The following P2RX3 variants were observed in gnomAD, a reference collection of about 807,000 sequenced individuals.
P2RX3 encodes P2X purinoceptor 3.
P2RX3 carries 41 observed loss-of-function variants against 51.5 expected under a neutral mutation model. The ratio of observed to expected loss-of-function variants is 0.80; its 90% CI spans 0.62 to 1.03. The LOEUF (loss-of-function observed/expected upper bound fraction) is 1.03. P2RX3 is among the 50% of genes least tolerant of loss of function. P2RX3 has a pLI of 0.00. For synonymous variants in P2RX3, 185 were observed against 191.6 expected, an observed-to-expected ratio of 0.97 and a Z score of 0.29; for missense variants, 459 against 522.1, an observed-to-expected ratio of 0.88 and a Z score of 1.18.
At chr11:57,359,108 C>T (rs138483305) in intron 8 of P2RX3, among the ~76,000 whole-genome samples, 5 of 152,296 alleles carry the variant, frequency 3.3e-5, no homozygotes, top group South Asian at 2.1e-4. Context: ...AGTGGGAAGC[C>T]GTCACCACTG....
chr11:57,366,362 A>T (rs558299200), intron 8 of P2RX3, among the ~76,000 whole-genome samples: 1 of 152,296 alleles, frequency 6.6e-6, no homozygotes, highest in South Asian at 2.1e-4. Flanking sequence ...CTCTGTGTTG[A>T]ACACTAACCC....
chr11:57,368,062 A>G lies in P2RX3; in HGVS notation c.896A>G (p.Lys299Arg). The change falls in exon 9 of 12, where the codon AAG becomes AGG. Residue 299 changes from lysine (K) to arginine (R), a missense_variant. Coordinates refer to ENST00000263314, the MANE Select transcript of P2RX3 (RefSeq NM_002559.5). ...ENGSEYRTLL[K>R]AFGIRFDVLV... ...GGCAGTGAGTACCGCACCCTCCTGA[A>G]GGCTTTTGGCATCCGCTTCGACGTG... The G allele has an allele frequency of 1.9e-6, 3 of 1,614,134 alleles. No individual in the cohort carries two copies. The highest frequency in any genetic ancestry group is 1.7e-6 in the Non-Finnish European group (2 of 1,180,010).
In P2RX3 at chr11:57,368,509, AGTGACGGC is replaced by A; in HGVS notation, c.1002+74_1002+81del. 2.6e-6 allele frequency: 4 copies of A among 1,550,308 alleles called. No individual in the cohort carries two copies. The Middle Eastern group carries it at 6.8e-4, about 262-fold the overall frequency. ...CCGGACTGGTACCAGCAGGCAGGGG[AGTGACGGC>A]GGCAAAACTCTGCCTCTGCCTGGAA... On this transcript the variant is annotated intron_variant, in intron 10 of 11. Transcript: ENST00000263314.
At chr11:57,345,293 AT>A (rs1400284585) in intron 1 of P2RX3, among the ~76,000 whole-genome samples, 1 of 152,132 alleles carries the variant, frequency 6.6e-6, no homozygotes, top group Non-Finnish European at 1.5e-5. Context: ...CTCACCCAGC[AT>A]TTCCAAAAGT....
chr11:57,372,285 A>T lies in P2RX3; in HGVS notation c.*2288A>T, dbSNP rs957948880. On this transcript the variant is annotated 3_prime_UTR_variant, in exon 12 of 12. Coordinates refer to ENST00000263314, the MANE Select transcript of P2RX3 (RefSeq NM_002559.5). ...TTCAACATAAAAGCCAACACTGATT[A>T]CTTACTATTGGCAGGCAATGGACCA... 5.3e-5 allele frequency among the ~76,000 whole-genome samples: 8 copies of T among 152,244 alleles called. No homozygotes were observed. Among genetic ancestry groups the T allele is most frequent in the Non-Finnish European group, 2.9e-5 (2 of 68,050 alleles).
chr11:57,343,349 G>C (rs1369472866), intron 1 of P2RX3, among the ~76,000 whole-genome samples: 2 of 152,230 alleles, frequency 1.3e-5, no homozygotes, highest in Non-Finnish European at 2.9e-5. Flanking sequence ...GCTTTCACTG[G>C]TGATGGAGCA....
intron 8 of P2RX3, among the ~76,000 whole-genome samples, chr11:57,358,877 G>A (rs781148306): frequency 1.3e-5 from 2 of 152,116 alleles, no homozygotes; most frequent in Non-Finnish European, 1.5e-5. Flanking sequence ...ACAAGGGAGC[G>A]CACGCACACT....
In P2RX3 at chr11:57,370,506, C is replaced by T. The variant is rs1856869197; in HGVS notation, c.*509C>T. 6.5e-6 allele frequency: 1 copy of T among 153,204 alleles called. No individual in the cohort carries two copies. The highest frequency in any genetic ancestry group is 2.4e-5 in the African/African-American group (1 of 41,438). 9.5% of individuals were successfully genotyped at this position (153,204 alleles called of 1,614,324 possible). ...GTCTGACTAACTCCATCGCCCACAC[C>T]CCATGAGAGAAGAATGAACTCCCAG... On this transcript the variant is annotated 3_prime_UTR_variant, in exon 12 of 12. Coordinates refer to ENST00000263314, the MANE Select transcript of P2RX3 (RefSeq NM_002559.5).
At chr11:57,345,130 A>C (rs568802263) in intron 1 of P2RX3, among the ~76,000 whole-genome samples, 109 of 152,308 alleles carry the variant, frequency 7.2e-4, no homozygotes, top group Non-Finnish European at 7.8e-4. Flanking sequence ...TAGAATCCTC[A>C]GGTCAGCCCA....
chr11:57,349,405 G>A (rs1002893998), intron 6 of P2RX3, among the ~76,000 whole-genome samples: 7 of 151,946 alleles, frequency 4.6e-5, no homozygotes, highest in Admixed American at 1.3e-4. Context: ...GGCAGAGGTT[G>A]CAGTGAGCCG....
chr11:57,366,980 A>T (rs1856807577), intron 8 of P2RX3, among the ~76,000 whole-genome samples: 2 of 152,230 alleles, frequency 1.3e-5, no homozygotes, highest in South Asian at 4.1e-4. Flanking sequence ...TGAAGTTTCG[A>T]CATGAGTTTT....
At chr11:57,362,948 A>C (rs1856743571) in intron 8 of P2RX3, among the ~76,000 whole-genome samples, 1 of 152,134 alleles carries the variant, frequency 6.6e-6, no homozygotes, top group Non-Finnish European at 1.5e-5. Flanking sequence ...GTAAATGTAG[A>C]TATTGTTTCA....
chr11:57,366,434 C>T (rs1161566845), intron 8 of P2RX3, among the ~76,000 whole-genome samples: 1 of 151,962 alleles, frequency 6.6e-6, no homozygotes, highest in East Asian at 1.9e-4. Context: ...TTCATGGCAC[C>T]CAGAAGCCAA....
intron 8 of P2RX3, among the ~76,000 whole-genome samples, chr11:57,354,568 C>T (rs1856598154): frequency 6.6e-6 from 1 of 152,138 alleles, no homozygotes; most frequent in African/African-American, 2.4e-5. Flanking sequence ...CCCAGGTAGA[C>T]CCTCAATTCA....
At chr11:57,341,471 T>G (rs1203000632) in intron 1 of P2RX3, among the ~76,000 whole-genome samples, 1 of 152,054 alleles carries the variant, frequency 6.6e-6, no homozygotes, top group Non-Finnish European at 1.5e-5. Flanking sequence ...TGTCTGTGGT[T>G]GACACCATTT....
chr11:57,354,545 A>C (rs572421258), intron 8 of P2RX3, among the ~76,000 whole-genome samples: 82 of 152,270 alleles, frequency 5.4e-4, no homozygotes, highest in African/African-American at 1.9e-3. Context: ...CTCTGTTGGC[A>C]AGGTTTCTGA....
intron 9 of P2RX3, 48 bp downstream of exon 9, chr11:57,368,150 G>GACC (rs1382813657): frequency 6.4e-7 from 1 of 1,572,532 alleles, no homozygotes; most frequent in Non-Finnish European, 8.8e-7. Context: ...AGGCAGCCCA[G>GACC]ACCACCTCTC....
Position 57,347,401 on chromosome 11 carries a change from C to G in P2RX3, c.328-14C>G, listed in dbSNP as rs1489109911. On this transcript the variant is annotated splice_polypyrimidine_tract_variant and intron_variant, in intron 3 of 11. Coordinates refer to ENST00000263314, the MANE Select transcript of P2RX3 (RefSeq NM_002559.5). ...ACAGTGTCCTTCACCAACCTGTGAC[C>G]CGTCTGCCCACAGAGTGAGGAGAAA... 6.4e-7 allele frequency: 1 copy of G among 1,556,756 alleles called. No homozygotes were observed. Among genetic ancestry groups the G allele is most frequent in the Non-Finnish European group, 8.7e-7 (1 of 1,149,672 alleles).
At chr11:57,367,264 C>G (rs773823120) in intron 8 of P2RX3, among the ~76,000 whole-genome samples, 18 of 152,116 alleles carry the variant, frequency 1.2e-4, no homozygotes, top group Non-Finnish European at 2.4e-4. Flanking sequence ...AGTAACTGGC[C>G]CAACGTTGCA....
Sources: gnomAD v4.1 joint callset for allele counts (sites outside exome capture counted in the v4.1 genomes callset) on GRCh38, gnomAD v4.1.1 for gene constraint, MANE v1.5 for transcripts, NCBI Gene and HGNC (gene_info 2026-07-23, HGNC 2026-07-21) for gene names.